Variants in MAPK10 observed in about 807,000 individuals in gnomAD.
The protein encoded by MAPK10 is JNK3 alpha protein kinase.
MAPK10 carries 25 observed loss-of-function variants against 59.3 expected under a neutral mutation model. The ratio of observed to expected loss-of-function variants is 0.42; its 90% CI spans 0.31 to 0.59. MAPK10 has a LOEUF of 0.59. MAPK10 is among the 20% of genes least tolerant of loss of function. MAPK10 has a pLI of 0.15. For missense variants in MAPK10, 351 were observed against 568.9 expected, an observed-to-expected ratio of 0.62 and a Z score of 3.90; for synonymous variants, 190 against 200.5, an observed-to-expected ratio of 0.95 and a Z score of 0.44.
In MAPK10 at chr4:86,272,214, G is replaced by A. The variant is rs571034042; in HGVS notation, c.-6-77807C>T. On this transcript the variant is annotated intron_variant, in intron 2 of 13. Coordinates refer to ENST00000641462, the MANE Select transcript of MAPK10 (RefSeq NM_138982.4). ...ATAGTAGCTTAGGAATATTTTTAAC[G>A]TATTCTGAAAACAAGTCCTTTGTCA... Among the ~76,000 whole-genome samples, 6 of 151,970 alleles carry A rather than the reference G, an allele frequency of 3.9e-5. No homozygotes were observed. In the South Asian group the frequency reaches 1.0e-3, roughly 26 times the overall value.
intron 1 of MAPK10, among the ~76,000 whole-genome samples, chr4:86,418,646 G>C (rs1262111842): frequency 2.0e-5 from 3 of 152,148 alleles, no homozygotes; most frequent in African/African-American, 7.2e-5. Flanking sequence ...CAGAATATTT[G>C]CAAGACCTAT....
At chr4:86,498,636 A>G (rs1755072989) in intron 1 of MAPK10, among the ~76,000 whole-genome samples, 1 of 152,216 alleles carries the variant, frequency 6.6e-6, no homozygotes, top group South Asian at 2.1e-4. Context: ...GTTGACTCAT[A>G]ACAGCACTGC....
intron 3 of MAPK10, among the ~76,000 whole-genome samples, chr4:86,177,905 TTAAC>T (rs1468893496): frequency 2.6e-5 from 4 of 152,196 alleles, no homozygotes; most frequent in East Asian, 3.9e-4. Context: ...TATATTTTAA[TTAAC>T]TAATCAAGTC....
At chr4:86,035,278 G>A (rs1034099427) in intron 11 of MAPK10, among the ~76,000 whole-genome samples, 1 of 150,398 alleles carries the variant, frequency 6.6e-6, no homozygotes, top group Non-Finnish European at 1.5e-5. Context: ...GGCTGAGGCA[G>A]GAGAATCGCT....
chr4:86,287,177 C>T (rs1563995906), intron 2 of MAPK10, among the ~76,000 whole-genome samples: 1 of 152,158 alleles, frequency 6.6e-6, no homozygotes, highest in Non-Finnish European at 1.5e-5. Context: ...CCATTTTCTA[C>T]GATCATAGAC....
chr4:86,523,031 A>C (rs1007128244), intron 1 of MAPK10, among the ~76,000 whole-genome samples: 2 of 152,248 alleles, frequency 1.3e-5, no homozygotes, highest in Non-Finnish European at 2.9e-5. Context: ...GTCCTTTTGC[A>C]ACATAAGTTC....
intron 13 of MAPK10, among the ~76,000 whole-genome samples, chr4:86,021,041 T>C (rs1746435297): frequency 6.6e-6 from 1 of 152,250 alleles, no homozygotes; most frequent in South Asian, 2.1e-4. Flanking sequence ...TTACAATCCC[T>C]GAGCTAGATA....
chr4:86,288,336 C>T (rs1005928704), intron 2 of MAPK10, among the ~76,000 whole-genome samples: 20 of 122,860 alleles, frequency 1.6e-4, no homozygotes, highest in Non-Finnish European at 8.2e-5. Context: ...CCCCCCACCC[C>T]ACAACAGTCC....
chr4:86,288,415 A>C (rs991407317), intron 2 of MAPK10, among the ~76,000 whole-genome samples: 25 of 147,490 alleles, frequency 1.7e-4, no homozygotes, highest in Non-Finnish European at 3.4e-4. Flanking sequence ...AACTCTTAGC[A>C]TTTTTTTAGC....
At chr4:86,140,126 G>T (rs1389950104) in intron 4 of MAPK10, among the ~76,000 whole-genome samples, 5 of 131,318 alleles carry the variant, frequency 3.8e-5, no homozygotes, top group African/African-American at 1.6e-4. Flanking sequence ...TCAGTGTGGC[G>T]ACTCCTCAGG....
chr4:86,074,374 G>T (rs1005001178), intron 9 of MAPK10, among the ~76,000 whole-genome samples: 9 of 150,328 alleles, frequency 6.0e-5, no homozygotes, highest in Non-Finnish European at 8.9e-5. Context: ...CTTTTAATTG[G>T]AGCATTTAGT....
At chr4:86,269,123 T>C (rs1327131668) in intron 2 of MAPK10, among the ~76,000 whole-genome samples, 3 of 152,120 alleles carry the variant, frequency 2.0e-5, no homozygotes, top group Non-Finnish European at 4.4e-5. Context: ...ACCAGTACCA[T>C]GAGATAAAAA....
At chr4:86,434,335 G>C (rs1564860575) in intron 1 of MAPK10, among the ~76,000 whole-genome samples, 1 of 152,090 alleles carries the variant, frequency 6.6e-6, no homozygotes, top group Non-Finnish European at 1.5e-5. Context: ...CACAGCAAAG[G>C]AAACAATCAA....
At chr4:86,200,557 T>C (rs1257486499) in intron 2 of MAPK10, among the ~76,000 whole-genome samples, 1 of 151,984 alleles carries the variant, frequency 6.6e-6, no homozygotes, top group Admixed American at 6.6e-5. Flanking sequence ...TGCATTTGGA[T>C]AGTTGAGATG....
intron 1 of MAPK10, among the ~76,000 whole-genome samples, chr4:86,588,001 C>A (rs970257489): frequency 6.6e-6 from 1 of 152,110 alleles, no homozygotes; most frequent in Non-Finnish European, 1.5e-5. Flanking sequence ...GCACTCCAGC[C>A]TGAGCAAGAG....
chr4:86,542,720 T>C (rs911027363), intron 1 of MAPK10, among the ~76,000 whole-genome samples: 6 of 152,164 alleles, frequency 3.9e-5, no homozygotes, highest in African/African-American at 9.7e-5. Flanking sequence ...GAAGACAAAA[T>C]TTCCCAGTAT....
At chr4:86,518,757 T>C (rs1756900878) in intron 1 of MAPK10, among the ~76,000 whole-genome samples, 1 of 152,174 alleles carries the variant, frequency 6.6e-6, no homozygotes, top group African/African-American at 2.4e-5. Context: ...TTTAATGTTA[T>C]GAACTTTCCT....
chr4:86,504,979 T>G (rs1449396634), intron 1 of MAPK10, among the ~76,000 whole-genome samples: 1 of 152,120 alleles, frequency 6.6e-6, no homozygotes, highest in Non-Finnish European at 1.5e-5. Context: ...GCAAAGCCCA[T>G]CCACTCTGCA....
At chr4:86,323,365 G>A (rs2095945633) in intron 2 of MAPK10, among the ~76,000 whole-genome samples, 1 of 152,142 alleles carries the variant, frequency 6.6e-6, no homozygotes, top group Admixed American at 6.5e-5. Context: ...GGTAAGGCAA[G>A]GCACAAATCT....
Sources: allele counts gnomAD v4.1 joint callset (sites outside exome capture counted in the v4.1 genomes callset), GRCh38; gene constraint gnomAD v4.1.1; transcripts MANE v1.5; gene names NCBI Gene and HGNC (gene_info 2026-07-23, HGNC 2026-07-21).